The following EVPLL variants were observed in gnomAD, a reference collection of about 807,000 sequenced individuals.
The protein encoded by EVPLL is envoplakin like, also known as envoplakin-like protein.
In EVPLL, 39 loss-of-function variants were observed where a neutral mutation model predicts 46.2. The ratio of observed to expected loss-of-function variants is 0.84; its 90% confidence interval spans 0.65 to 1.10. The LOEUF is 1.10. Ranked by LOEUF, EVPLL falls within the 50% of genes least tolerant of loss-of-function variation. The pLI, the probability that EVPLL is intolerant of heterozygous loss-of-function variation, is 0.00. For missense variants in EVPLL, 385 were observed against 412.6 expected, an observed-to-expected ratio of 0.93 and a Z score of 0.58; for synonymous variants, 156 against 165.8, an observed-to-expected ratio of 0.94 and a Z score of 0.46.
chr17:18,381,685 C>A lies in EVPLL; in HGVS notation c.301C>A (p.Arg101Ser). The A allele has an allele frequency of 6.2e-7, 1 of 1,614,164 alleles. No individual in the cohort carries two copies. Among genetic ancestry groups the A allele is most frequent in the Non-Finnish European group, 8.5e-7 (1 of 1,180,042 alleles). Residue 101 changes from arginine (R) to serine (S), a missense_variant, in exon 4 of 11, where the codon CGT becomes AGT. By Grantham distance (110) the Arg-to-Ser change is moderately radical. Coordinates refer to ENST00000399134, the MANE Select transcript of EVPLL (RefSeq NM_001145127.2). This position sits in a 1 kb window ranked among gnomAD's most constrained non-coding sequence, Gnocchi z 4.2. ...LYEKMVLPPR[R>S]GIQGRLGTRA... ...CGAGAAGATGGTGCTGCCGCCCCGA[C>A]GTGGGATCCAAGGTCGACTGGGCAC...
At chr17:18,382,437 C>G (rs1418918556) in intron 4 of EVPLL, 76 bp from the exon 5 acceptor site, 4 of 1,535,604 alleles carry the variant, frequency 2.6e-6, no homozygotes, top group African/African-American at 1.4e-5. Flanking sequence ...GTCCACTTCT[C>G]CGGGTGGGAG....
intron 9 of EVPLL, 155 bp from the exon 10 acceptor site, chr17:18,388,064 A>ATACACATATATACACAT (rs1987834311): frequency 4.2e-6 from 1 of 238,970 alleles, no homozygotes; most frequent in African/African-American, 2.5e-5. Flanking sequence ...ATATATATAT[A>ATACACATATATACACAT]AAATTTATTT....
intron 9 of EVPLL, among the ~76,000 whole-genome samples, chr17:18,384,861 G>A (rs1350991300): frequency 6.6e-6 from 1 of 152,186 alleles, no homozygotes; most frequent in Non-Finnish European, 1.5e-5. Context: ...ATTGGGTGGT[G>A]CTCCTCCCAC....
intron 5 of EVPLL, 91 bp from the exon 6 acceptor site, chr17:18,382,735 G>T (rs1204305843): frequency 3.8e-6 from 6 of 1,560,218 alleles, no homozygotes; most frequent in Admixed American, 1.9e-5. Flanking sequence ...TGGGGATAGG[G>T]GTGGGTGGGG....
chr17:18,381,274 G>A lies in EVPLL; in HGVS notation c.64-93G>A. On this transcript the variant is annotated intron_variant, in intron 2 of 10. Coordinates refer to ENST00000399134, the MANE Select transcript of EVPLL (RefSeq NM_001145127.2). The surrounding 1 kb of genome is among the most constrained non-coding windows in gnomAD (Gnocchi z 4.2). ...GCCTCGAGGTTGGCCAGCATAGCTGGGGTCCCAAAGGTGGGGCTCAGGCCC... is the reference window on the plus strand; with the variant it reads ...GCCTCGAGGTTGGCCAGCATAGCTGAGGTCCCAAAGGTGGGGCTCAGGCCC... 6.9e-7 allele frequency: 1 copy of A among 1,459,088 alleles called. No individual in the cohort carries two copies. The highest frequency in any genetic ancestry group is 9.0e-7 in the Non-Finnish European group (1 of 1,105,466). The allele number at this position is 1,459,088 out of a possible 1,614,324, so 90.4% of individuals were successfully genotyped here.
Position 18,383,601 on chromosome 17 carries a change from C to T in EVPLL, c.876+14C>T, listed in dbSNP as rs965594795. 2.7e-6 allele frequency: 2 copies of T among 735,186 alleles called. No homozygotes were observed. The highest frequency in any genetic ancestry group is 1.1e-4 in the African/African-American group (2 of 18,794). The allele number at this position is 735,186 out of a possible 1,614,324, so 45.5% of individuals were successfully genotyped here. ...GACTACAGCCGGGTGAGCCCTCGGG[C>T]AGCGGCAGGGCGGCAGGGCGGCAGG... On this transcript the variant is annotated intron_variant, in intron 9 of 10. Transcript: ENST00000399134.
Position 18,383,146 on chromosome 17 carries a change from C to A in EVPLL, c.633C>A (p.Asp211Glu), listed in dbSNP as rs1987647620. The A allele has an allele frequency of 6.4e-7, 1 of 1,552,436 alleles. No individual in the cohort carries two copies. Among genetic ancestry groups the A allele is most frequent in the East Asian group, 2.4e-5 (1 of 41,742 alleles). The stretch of plus-strand genomic sequence containing the variant: ...GCATCCTGCAGCAGGACTGGAGCGA[C>A]CTCATGGCCGACCCTGCGGGCGTGC... ...QRRILQQDWS[D>E]LMADPAGVRR... is the part of the protein sequence containing the mutation. Residue 211 changes from aspartate to glutamate, a missense_variant, in exon 7 of 11, where the codon GAC becomes GAA. Coordinates refer to ENST00000399134, the MANE Select transcript of EVPLL (RefSeq NM_001145127.2).
At position 18,382,630 on chromosome 17, in the gene EVPLL, G is replaced by A. The variant is rs368060432; in HGVS notation, c.464G>A (p.Gly155Asp). 66 of 1,551,944 alleles carry A rather than the reference G, an allele frequency of 4.3e-5. No individual in the cohort carries two copies. The highest frequency in any genetic ancestry group is 8.2e-5 in the African/African-American group (6 of 73,074). The stretch of plus-strand genomic sequence containing the variant: ...CCAAGGAGAGCAGCTGCGGAGCCTG[G>A]TGGGGCCGGTGGGTGAGCCGGGAAG... ...QRPRRAAAEP[G>D]GAGCRHHPEP... is the part of the protein sequence containing the mutation. Residue 155 changes from glycine to aspartate, a missense_variant, in exon 5 of 11, where the codon GGT becomes GAT. Transcript: ENST00000399134.
intron 4 of EVPLL, chr17:18,382,277 A>G: frequency 4.5e-6 from 2 of 447,940 alleles, no homozygotes; most frequent in Non-Finnish European, 8.2e-6. Flanking sequence ...GGCTGAGCCC[A>G]GCGTCTGGGA....
At chr17:18,386,266 A>C (rs1201594018) in intron 9 of EVPLL, 2 of 152,138 alleles carry the variant, frequency 1.3e-5, no homozygotes, top group Non-Finnish European at 2.9e-5. Context: ...TTTTATAAGG[A>C]CATCAGTCAT....
At chr17:18,387,792 C>G (rs937774970) in intron 9 of EVPLL, 1 of 152,254 alleles carries the variant, frequency 6.6e-6, no homozygotes, top group African/African-American at 2.4e-5. Flanking sequence ...GGAGGATTGC[C>G]TGGGGGCAGG....
At chr17:18,384,613 T>C (rs1673255601) in intron 9 of EVPLL, among the ~76,000 whole-genome samples, 1 of 151,630 alleles carries the variant, frequency 6.6e-6, no homozygotes, top group Admixed American at 6.6e-5. Context: ...ATGCCTGTAG[T>C]CAGAGCTACT....
chr17:18,384,868 C>T (rs893415442), intron 9 of EVPLL, among the ~76,000 whole-genome samples: 3 of 152,138 alleles, frequency 2.0e-5, no homozygotes, highest in African/African-American at 7.2e-5. Context: ...GGTGCTCCTC[C>T]CACTCACTGG....
intron 9 of EVPLL, among the ~76,000 whole-genome samples, chr17:18,384,618 G>C (rs138405840): frequency 0.012 from 1,869 of 152,022 alleles, 46 homozygotes; most frequent in African/African-American, 0.042. Flanking sequence ...TGTAGTCAGA[G>C]CTACTTGGGA....
rs769967927 is a variant in EVPLL at position 18,381,728 on chromosome 17, C to T, written c.344C>T (p.Thr115Ile). The change falls in exon 4 of 11, where the codon ACA becomes ATA. Residue 115 changes from threonine (T) to isoleucine (I), a missense_variant and splice_region_variant. By Grantham distance (89) the Thr-to-Ile change is moderately conservative. Transcript: ENST00000399134. This position sits in a 1 kb window ranked among gnomAD's most constrained non-coding sequence, Gnocchi z 4.2. ...CTGGGCACACGTGCTGGAGCAGAAACAGGTCAGGAGCTCAAAGTCACACCC... is the reference window on the plus strand; with the variant it reads ...CTGGGCACACGTGCTGGAGCAGAAATAGGTCAGGAGCTCAAAGTCACACCC... Reference protein sequence around the residue: ...GRLGTRAGAETEAGLRRPVWA... With the variant: ...GRLGTRAGAEIEAGLRRPVWA... 1 of 1,614,150 alleles carries T rather than the reference C, an allele frequency of 6.2e-7. No individual in the cohort carries two copies. Among genetic ancestry groups the T allele is most frequent in the Non-Finnish European group, 8.5e-7 (1 of 1,180,026 alleles).
rs770542835 is a variant in EVPLL at position 18,383,183 on chromosome 17, G to C, written c.670G>C (p.Glu224Gln). 6.5e-7 allele frequency: 1 copy of C among 1,547,362 alleles called. No individual in the cohort carries two copies. The highest frequency in any genetic ancestry group is 8.7e-7 in the Non-Finnish European group (1 of 1,151,936). The change falls in exon 7 of 11, where the codon GAG becomes CAG. Residue 224 changes from glutamate to glutamine, a missense_variant and splice_region_variant. By Grantham distance (29) the Glu-to-Gln change is conservative (BLOSUM62 2). Coordinates refer to ENST00000399134, the MANE Select transcript of EVPLL (RefSeq NM_001145127.2). ...CCCTGCGGGCGTGCGGCGGGAATAC[G>C]AGGTCGGCTGGCAGAGGTTGGGGCC... Reference protein sequence around the residue: ...ADPAGVRREYEHFKQHELLSQ... With the variant: ...ADPAGVRREYQHFKQHELLSQ...
At position 18,381,012 on chromosome 17, in the gene EVPLL, G is replaced by A. The variant is rs144581987; in HGVS notation, c.63+12G>A. 1,262 of 1,570,008 alleles carry A rather than the reference G, an allele frequency of 8.0e-4. 1 individual carries two copies. The highest frequency in any genetic ancestry group is 9.4e-4 in the Non-Finnish European group (1,092 of 1,158,294). Reference sequence around the variant, plus strand: ...AGAGGCTGCAGCAGGTGAGAACCCGGCAGCAGTTGGCAGGGTGTGGGCAGG... The same window carrying A: ...AGAGGCTGCAGCAGGTGAGAACCCGACAGCAGTTGGCAGGGTGTGGGCAGG... On this transcript the variant is annotated intron_variant, in intron 2 of 10. Coordinates refer to ENST00000399134, the MANE Select transcript of EVPLL (RefSeq NM_001145127.2). This position sits in a 1 kb window ranked among gnomAD's most constrained non-coding sequence, Gnocchi z 4.2.
chr17:18,382,650 G>A lies in EVPLL; in HGVS notation c.472+12G>A, dbSNP rs749331253. Reference sequence around the variant, plus strand: ...GCCTGGTGGGGCCGGTGGGTGAGCCGGGAAGATGTTACATCCGGGGCCAGC... The same window carrying A: ...GCCTGGTGGGGCCGGTGGGTGAGCCAGGAAGATGTTACATCCGGGGCCAGC... On this transcript the variant is annotated intron_variant, in intron 5 of 10. Coordinates refer to ENST00000399134, the MANE Select transcript of EVPLL (RefSeq NM_001145127.2). 6.4e-6 allele frequency: 10 copies of A among 1,551,968 alleles called. No homozygotes were observed. The highest frequency in any genetic ancestry group is 1.4e-5 in the African/African-American group (1 of 73,080).
In EVPLL at chr17:18,383,166, G is replaced by C. The variant is rs747837240; in HGVS notation, c.653G>C (p.Gly218Ala). 6.5e-7 allele frequency: 1 copy of C among 1,550,050 alleles called. No homozygotes were observed. Among genetic ancestry groups the C allele is most frequent in the Non-Finnish European group, 8.7e-7 (1 of 1,153,716 alleles). The change falls in exon 7 of 11, where the codon GGC (glycine) becomes GCC (alanine). Residue 218 changes from glycine (G) to alanine (A), a missense_variant. By Grantham distance (60) the Gly-to-Ala change is moderately conservative. Coordinates refer to ENST00000399134, the MANE Select transcript of EVPLL (RefSeq NM_001145127.2). The stretch of plus-strand genomic sequence containing the variant: ...AGCGACCTCATGGCCGACCCTGCGG[G>C]CGTGCGGCGGGAATACGAGGTCGGC... ...DWSDLMADPA[G>A]VRREYEHFKQ...
Sources: gnomAD v4.1 joint callset for allele counts (sites outside exome capture counted in the v4.1 genomes callset) on GRCh38, gnomAD v4.1.1 for gene constraint, Gnocchi (gnomAD v3.1) non-coding constraint, MANE v1.5 for transcripts, NCBI Gene and HGNC (gene_info 2026-07-23, HGNC 2026-07-21) for gene names.